DIP2C: variants seen among roughly 807,000 people sequenced by gnomAD.
DIP2C encodes the protein DIP2 acetate--CoA ligase C (putative).
A neutral mutation model predicts 192.4 loss-of-function variants in DIP2C; 33 were observed. The observed-to-expected ratio is 0.17, with a 90% CI of 0.13 to 0.23. The LOEUF (loss-of-function observed/expected upper bound fraction) is 0.23, where lower values mean the gene tolerates loss of function less well. Ranked by LOEUF, DIP2C falls within the 10% of genes least tolerant of loss-of-function variation. The probability of loss-of-function intolerance (pLI) is 1.00; values close to 1 mark genes in which losing one functional copy is unlikely to be tolerated. For missense variants in DIP2C, 1,537 were observed against 2,110.1 expected, an observed-to-expected ratio of 0.73 and a Z score of 5.32; for synonymous variants, 979 against 864.1, an observed-to-expected ratio of 1.13 and a Z score of -2.33.
intron 3 of DIP2C, among the ~76,000 whole-genome samples, chr10:448,506 ACCCG>A (rs1349699821): frequency 1.8e-4 from 25 of 139,312 alleles, no homozygotes; most frequent in African/African-American, 6.3e-4. Flanking sequence ...GGGCAGCAGG[ACCCG>A]CTCACTCCCG....
intron 1 of DIP2C, among the ~76,000 whole-genome samples, chr10:592,336 A>C (rs1309598408): frequency 6.6e-6 from 1 of 152,184 alleles, no homozygotes; most frequent in East Asian, 1.9e-4. Flanking sequence ...CGGATGTTAT[A>C]TCACCACATT....
chr10:281,089 C>A, intron 36 of DIP2C, 111 bp downstream of exon 36: 2 of 1,453,518 alleles, frequency 1.4e-6, no homozygotes, highest in Non-Finnish European at 1.9e-6. Flanking sequence ...TTGAATCGCA[C>A]CCCCTTCCCT....
chr10:317,531 T>C (rs1481098657), intron 31 of DIP2C, among the ~76,000 whole-genome samples: 4 of 152,210 alleles, frequency 2.6e-5, no homozygotes, highest in Non-Finnish European at 5.9e-5. Context: ...ACGGCTGTTT[T>C]TGTTGAACTT....
At chr10:379,666 C>A (rs972513288) in intron 17 of DIP2C, among the ~76,000 whole-genome samples, 5 of 152,216 alleles carry the variant, frequency 3.3e-5, no homozygotes, top group Admixed American at 2.6e-4. Flanking sequence ...CCAGAGAGGG[C>A]CAAAATTCTA....
At chr10:449,920 C>CAAAAAAAAAAAAAAAAAAAAAAAAAAAAA (rs59135780) in intron 3 of DIP2C, among the ~76,000 whole-genome samples, 3 of 135,908 alleles carry the variant, frequency 2.2e-5, no homozygotes, top group Admixed American at 7.1e-5. Flanking sequence ...TCAACAACAA[C>CAAAAAAAAAAAAAAAAAAAAAAAAAAAAA]AAAAAAAAAA....
rs11816331 is a variant in DIP2C at position 418,124 on chromosome 10, T to C, written c.739+941A>G. On this transcript the variant is annotated intron_variant, in intron 6 of 36. Transcript: ENST00000280886. ...CCCCGTCCACCTGTCGGAGCTCGGATAGGCCTCCCTGTCCACCTGCACCTG... is the reference window on the plus strand; with the variant it reads ...CCCCGTCCACCTGTCGGAGCTCGGACAGGCCTCCCTGTCCACCTGCACCTG... Among the ~76,000 whole-genome samples, 10 of 14,064 alleles carry C rather than the reference T, an allele frequency of 7.1e-4. 5 individuals carry two copies. The highest frequency in any genetic ancestry group is 2.3e-3 in the Admixed American group (2 of 860). The allele number at this position is 14,064 out of a possible 152,430, so 9.2% of individuals were successfully genotyped here.
chr10:395,438 A>C (rs1963910056), intron 10 of DIP2C, among the ~76,000 whole-genome samples: 1 of 152,128 alleles, frequency 6.6e-6, no homozygotes, highest in Admixed American at 6.5e-5. Context: ...CAGTTAAAAT[A>C]ATATTTAAAA....
intron 3 of DIP2C, among the ~76,000 whole-genome samples, chr10:464,675 C>G (rs894904959): frequency 6.6e-6 from 1 of 152,220 alleles, no homozygotes. Context: ...AAGACACATA[C>G]AAACGTATGT....
rs182152322 is a variant in DIP2C, at chr10:305,046, C to T, written c.3986+4985G>A. Among the ~76,000 whole-genome samples, 112 of 152,126 alleles carry T rather than the reference C, an allele frequency of 7.4e-4. 1 individual carries two copies. Among genetic ancestry groups the T allele is most frequent in the African/African-American group, 2.5e-3 (104 of 41,440 alleles). ...TGACACATATATGCACGTGTCTATA[C>T]TTGCAGCACACACTACACTCATGCA... On this transcript the variant is annotated intron_variant, in intron 32 of 36. Transcript: ENST00000280886.
intron 4 of DIP2C, among the ~76,000 whole-genome samples, chr10:427,786 C>G (rs1036187561): frequency 1.3e-5 from 2 of 152,158 alleles, no homozygotes; most frequent in African/African-American, 4.8e-5. Flanking sequence ...TGTGGAGAAA[C>G]TGGGATGCTC....
Position 277,517 on chromosome 10 carries a change from T to C in DIP2C, c.4479A>G (p.Gln1493=), listed in dbSNP as rs1564494447. The part of the protein sequence containing the change: ...VVVVELDGSE[Q]EALDLVPLVT... Reference sequence around the variant, plus strand: ...CCAAGGGAACCAGGTCCAAGGCTTCTTGTTCCGACCCATCCAGCTCAACCA... The same window carrying C: ...CCAAGGGAACCAGGTCCAAGGCTTCCTGTTCCGACCCATCCAGCTCAACCA... The change falls in exon 37 of 37, where the codon CAA becomes CAG. Residue 1493 remains glutamine, a synonymous_variant. Coordinates refer to ENST00000280886, the MANE Select transcript of DIP2C (RefSeq NM_014974.3). 3 of 1,614,068 alleles carry C rather than the reference T, an allele frequency of 1.9e-6. No homozygotes were observed. The highest frequency in any genetic ancestry group is 2.7e-5 in the African/African-American group (2 of 74,930).
intron 1 of DIP2C, among the ~76,000 whole-genome samples, chr10:611,278 T>C (rs1311673370): frequency 6.6e-6 from 1 of 152,192 alleles, no homozygotes; most frequent in Non-Finnish European, 1.5e-5. Flanking sequence ...TCCCCAGATG[T>C]AGAAGCCTGT....
At chr10:630,334 T>C (rs1212578384) in intron 1 of DIP2C, 11 of 152,240 alleles carry the variant, frequency 7.2e-5, no homozygotes, top group Admixed American at 6.5e-5. Flanking sequence ...CATTCTTCCA[T>C]ATACTTTTAA....
At position 315,320 on chromosome 10, in the gene DIP2C, A is replaced by G. The variant is rs117436070; in HGVS notation, c.3925-5228T>C. 7.3e-3 allele frequency among the ~76,000 whole-genome samples: 1,116 copies of G among 152,254 alleles called. 24 individuals are homozygous for G. The highest frequency in any genetic ancestry group is 6.0e-3 in the Non-Finnish European group (405 of 68,026). ...TTTTCTTGTATTTACTCTTTTCAGTATTCTTCATTTCTTCTTAAAAATTTG... is the reference window on the plus strand; with the variant it reads ...TTTTCTTGTATTTACTCTTTTCAGTGTTCTTCATTTCTTCTTAAAAATTTG... On this transcript the variant is annotated intron_variant, in intron 31 of 36. Transcript: ENST00000280886.
chr10:639,783 C>T (rs1328689237), intron 1 of DIP2C, among the ~76,000 whole-genome samples: 1 of 152,238 alleles, frequency 6.6e-6, no homozygotes, highest in Non-Finnish European at 1.5e-5. Context: ...TATTTAGTTC[C>T]TTGTCCCAGG....
Position 296,983 on chromosome 10 carries a change from C to T in DIP2C, c.3987-8562G>A, listed in dbSNP as rs185972693. 9.2e-5 allele frequency among the ~76,000 whole-genome samples: 14 copies of T among 151,722 alleles called. No homozygotes were observed. The East Asian group carries it at 2.7e-3, about 29-fold the overall frequency. On this transcript the variant is annotated intron_variant, in intron 32 of 36. Transcript: ENST00000280886. ...AGCATACCAACGTGGCACATGTATA[C>T]ATATGTAACAAACCTGCACGTTGTG...
chr10:369,413 TGGGAACGC>T, intron 18 of DIP2C, 73 bp downstream of exon 18: 1 of 1,455,376 alleles, frequency 6.9e-7, no homozygotes, highest in Non-Finnish European at 9.1e-7. Flanking sequence ...CGCGGGAACG[TGGGAACGC>T]AGGCTTTGGT....
At chr10:665,964 G>A (rs1400745685) in intron 1 of DIP2C, 1 of 152,134 alleles carries the variant, frequency 6.6e-6, no homozygotes, top group Non-Finnish European at 1.5e-5. Context: ...AGACGCCGAA[G>A]TCTTTGCCGT....
At chr10:356,265 C>T (rs887977196) in intron 24 of DIP2C, 161 bp downstream of exon 24, 1 of 801,480 alleles carries the variant, frequency 1.2e-6, no homozygotes, top group Admixed American at 2.0e-5. Context: ...CGTTTAAAAA[C>T]AATCCCTAGG....
Sources: allele counts gnomAD v4.1 joint callset (sites outside exome capture counted in the v4.1 genomes callset), GRCh38; gene constraint gnomAD v4.1.1; transcripts MANE v1.5; gene names NCBI Gene and HGNC (gene_info 2026-07-23, HGNC 2026-07-21).